Variants in TANC2 observed in about 807,000 individuals in gnomAD.
TANC2 encodes tetratricopeptide repeat, ankyrin repeat and coiled-coil containing 2, also known as protein TANC2.
Under a neutral mutation model 210.5 loss-of-function variants are expected in TANC2, and 26 were observed. The observed-to-expected ratio is 0.12, with a 90% CI of 0.09 to 0.17. The LOEUF (loss-of-function observed/expected upper bound fraction) is 0.17. TANC2 is among the 10% of genes least tolerant of loss of function. The pLI is 1.00. For missense variants in TANC2, 2,129 were observed against 2,608.9 expected, an observed-to-expected ratio of 0.82 and a Z score of 4.01; for synonymous variants, 931 against 967.1, an observed-to-expected ratio of 0.96 and a Z score of 0.69.
At chr17:63,413,388 T>C in intron 24 of TANC2, 155 bp from the exon 25 acceptor site, 1 of 545,990 alleles carries the variant, frequency 1.8e-6, no homozygotes, top group East Asian at 3.1e-5. Flanking sequence ...CAGTGGGAGT[T>C]ACTAAAATAC....
intron 5 of TANC2, among the ~76,000 whole-genome samples, chr17:63,186,647 C>T (rs1005745525): frequency 9.2e-5 from 14 of 152,144 alleles, no homozygotes; most frequent in Non-Finnish European, 1.6e-4. Context: ...TGAGCCACCG[C>T]ACCCGGGCTT....
chr17:63,082,903 G>C (rs1465898318), intron 3 of TANC2, among the ~76,000 whole-genome samples: 1 of 152,098 alleles, frequency 6.6e-6, no homozygotes, highest in Non-Finnish European at 1.5e-5. Flanking sequence ...TATTCACATG[G>C]GGCATAGATT....
intron 26 of TANC2, among the ~76,000 whole-genome samples, chr17:63,416,559 C>G (rs1320491162): frequency 6.6e-6 from 1 of 152,222 alleles, no homozygotes; most frequent in East Asian, 1.9e-4. Flanking sequence ...CATTCCAGAC[C>G]CTAAACCCTG....
intron 1 of TANC2, among the ~76,000 whole-genome samples, chr17:62,981,096 T>G (rs2032274660): frequency 6.6e-6 from 1 of 152,236 alleles, no homozygotes; most frequent in African/African-American, 2.4e-5. Context: ...TTAATGACTT[T>G]AAGTTCATGG....
chr17:63,327,018 C>CA (rs1445684797), intron 11 of TANC2, among the ~76,000 whole-genome samples: 1 of 152,026 alleles, frequency 6.6e-6, no homozygotes, highest in African/African-American at 2.4e-5. Context: ...AAAAGGAACT[C>CA]AGACAATTCA....
At chr17:62,989,338 A>T (rs2032736744) in intron 1 of TANC2, among the ~76,000 whole-genome samples, 1 of 152,244 alleles carries the variant, frequency 6.6e-6, no homozygotes, top group African/African-American at 2.4e-5. Flanking sequence ...TGCCATCTGT[A>T]TTCATGCAGT....
intron 12 of TANC2, among the ~76,000 whole-genome samples, chr17:63,344,364 T>A (rs942996160): frequency 6.6e-6 from 1 of 152,190 alleles, no homozygotes; most frequent in African/African-American, 2.4e-5. Context: ...TTTAGTCTGA[T>A]AAAGGACAAC....
chr17:63,128,729 C>T (rs898588399), intron 4 of TANC2, among the ~76,000 whole-genome samples: 8 of 152,154 alleles, frequency 5.3e-5, no homozygotes, highest in South Asian at 2.1e-4. Context: ...TCATATTTTT[C>T]GGTAGCCCTG....
intron 7 of TANC2, among the ~76,000 whole-genome samples, chr17:63,201,541 G>A (rs1010041140): frequency 2.0e-5 from 3 of 151,742 alleles, no homozygotes; most frequent in African/African-American, 4.8e-5. Flanking sequence ...GCAAGCTTGG[G>A]CATAAAGAGA....
chr17:63,321,815 G>T (rs2045502936), intron 11 of TANC2, among the ~76,000 whole-genome samples: 1 of 152,182 alleles, frequency 6.6e-6, no homozygotes, highest in Non-Finnish European at 1.5e-5. Context: ...TCCTGTGGGT[G>T]TTGGGGAAGG....
At chr17:63,086,889 ATAAAATGGACCAATCAGCACTCTG>A (rs562137178) in intron 3 of TANC2, among the ~76,000 whole-genome samples, 2,767 of 152,130 alleles carry the variant, frequency 0.018, 31 homozygotes, top group Non-Finnish European at 0.028. Context: ...TCAGCATTCT[ATAAAATGGACCAATCAGCACTCTG>A]TAAAATGGAC....
chr17:63,426,061 TC>T (rs1311586600), exon 28 of TANC2: 1 of 152,186 alleles, frequency 6.6e-6, no homozygotes, highest in Admixed American at 6.5e-5. Context: ...GTGCCCAGCC[TC>T]CTCTTGATGC....
chr17:63,335,061 C>A (rs1421803901), intron 11 of TANC2, among the ~76,000 whole-genome samples: 3 of 152,164 alleles, frequency 2.0e-5, no homozygotes, highest in African/African-American at 7.2e-5. Context: ...CCCCATGACC[C>A]AAACACCTCC....
intron 1 of TANC2, among the ~76,000 whole-genome samples, chr17:62,967,987 C>A (rs762726677): frequency 6.6e-6 from 1 of 152,216 alleles, no homozygotes; most frequent in East Asian, 1.9e-4. Context: ...TCTCTTGCTC[C>A]CCTCTGTATC....
chr17:63,187,421 T>C (rs2041028132), intron 5 of TANC2, among the ~76,000 whole-genome samples: 2 of 152,212 alleles, frequency 1.3e-5, no homozygotes, highest in Non-Finnish European at 2.9e-5. Flanking sequence ...CATGTGCAAT[T>C]AACTAGACTA....
At chr17:63,222,479 T>C (rs894440036) in intron 7 of TANC2, among the ~76,000 whole-genome samples, 6 of 152,212 alleles carry the variant, frequency 3.9e-5, no homozygotes, top group African/African-American at 1.4e-4. Flanking sequence ...CTGCATACTG[T>C]ATGATTCTAT....
At chr17:62,989,408 C>G (rs1230526516) in intron 1 of TANC2, among the ~76,000 whole-genome samples, 1 of 152,184 alleles carries the variant, frequency 6.6e-6, no homozygotes, top group Non-Finnish European at 1.5e-5. Context: ...TAACGTGTTT[C>G]TAAAATAAGT....
intron 4 of TANC2, 25 bp from the exon 5 acceptor site, chr17:63,151,245 G>C: frequency 2.2e-6 from 2 of 923,366 alleles, no homozygotes; most frequent in Non-Finnish European, 2.6e-6. Flanking sequence ...TCTCTTGCTT[G>C]CTCTCTCTCT....
chr17:63,376,742 C>T (rs1443425927), intron 14 of TANC2, among the ~76,000 whole-genome samples: 3 of 151,340 alleles, frequency 2.0e-5, no homozygotes, highest in Admixed American at 6.6e-5. Context: ...TGCATGGAAT[C>T]ATCAGTATCA....
Sources: allele counts gnomAD v4.1 joint callset (sites outside exome capture counted in the v4.1 genomes callset), GRCh38; gene constraint gnomAD v4.1.1; transcripts MANE v1.5; gene names NCBI Gene and HGNC (gene_info 2026-07-23, HGNC 2026-07-21).